Variants in DNAJC24 observed in about 807,000 individuals in gnomAD.
DNAJC24 encodes DnaJ heat shock protein family (Hsp40) member C24.
Under a neutral mutation model 18.0 loss-of-function variants are expected in DNAJC24, and 17 were observed. That is an observed-to-expected ratio of 0.94 (90% CI 0.65 to 1.42). The LOEUF (loss-of-function observed/expected upper bound fraction) is 1.42, where lower values mean the gene tolerates loss of function less well. Among genes scored for constraint, DNAJC24 ranks in the 40% most tolerant of loss-of-function variants. The pLI is 0.00. For missense variants in DNAJC24, 158 were observed against 175.6 expected (o/e 0.90, Z 0.57); for synonymous variants, 55 against 57.7 (o/e 0.95, Z 0.21).
At chr11:31,409,761 C>G (rs1952689336) in intron 2 of DNAJC24, among the ~76,000 whole-genome samples, 1 of 152,044 alleles carries the variant, frequency 6.6e-6, no homozygotes, top group African/African-American at 2.4e-5. Flanking sequence ...TTTTATTGAT[C>G]ATGGAGTAAA....
chr11:31,420,057 C>G (rs545882566), intron 3 of DNAJC24, among the ~76,000 whole-genome samples: 1 of 152,084 alleles, frequency 6.6e-6, no homozygotes, highest in East Asian at 1.9e-4. Flanking sequence ...ACATTTATAA[C>G]TCTATACCCT....
intron 2 of DNAJC24, among the ~76,000 whole-genome samples, chr11:31,414,453 T>G (rs758094585): frequency 6.6e-6 from 1 of 152,192 alleles, no homozygotes; most frequent in African/African-American, 2.4e-5. Context: ...CTCTGCCTAA[T>G]TTGTGCTCTT....
intron 2 of DNAJC24, among the ~76,000 whole-genome samples, chr11:31,371,877 G>T (rs61879923): frequency 0.29 from 40,782 of 139,744 alleles, 6,589 homozygotes; most frequent in Non-Finnish European, 0.36. Flanking sequence ...AGGCTAGGGT[G>T]CAATGGTGCG....
At chr11:31,372,070 G>A (rs658477) in intron 2 of DNAJC24, among the ~76,000 whole-genome samples, 59,565 of 151,274 alleles carry the variant, frequency 0.39, 12,226 homozygotes, top group African/African-American at 0.49. Flanking sequence ...TGATCCTCCC[G>A]CCTCAGCCTC....
At chr11:31,378,334 C>T (rs542286698) in intron 2 of DNAJC24, among the ~76,000 whole-genome samples, 50 of 151,728 alleles carry the variant, frequency 3.3e-4, no homozygotes, top group African/African-American at 1.1e-3. Flanking sequence ...ATGCATGATA[C>T]GTAACAATAA....
At chr11:31,424,185 ATAGAT>A (rs761013105) in intron 3 of DNAJC24, among the ~76,000 whole-genome samples, 12 of 152,192 alleles carry the variant, frequency 7.9e-5, no homozygotes, top group Non-Finnish European at 1.5e-4. Flanking sequence ...GGTGTTCAAG[ATAGAT>A]TAGATTAAGA....
intron 3 of DNAJC24, chr11:31,415,530 G>A (rs1336005310): frequency 1.3e-5 from 2 of 152,194 alleles, no homozygotes; most frequent in Non-Finnish European, 2.9e-5. Flanking sequence ...GTGACAAGCT[G>A]TTATGAGAAA....
intron 2 of DNAJC24, among the ~76,000 whole-genome samples, chr11:31,399,396 GATCT>G (rs1377449818): frequency 2.0e-5 from 3 of 151,024 alleles, no homozygotes; most frequent in African/African-American, 7.3e-5. Context: ...TGTTTCTGCA[GATCT>G]ATCTCTTAAT....
intron 2 of DNAJC24, among the ~76,000 whole-genome samples, chr11:31,406,155 C>T (rs1480964217): frequency 6.6e-6 from 1 of 152,010 alleles, no homozygotes; most frequent in African/African-American, 2.4e-5. Flanking sequence ...TTTGTTTCCT[C>T]TATATCTCAT....
At chr11:31,409,059 GTAA>G (rs1952680875) in intron 2 of DNAJC24, among the ~76,000 whole-genome samples, 1 of 152,160 alleles carries the variant, frequency 6.6e-6, no homozygotes, top group South Asian at 2.1e-4. Flanking sequence ...GTGCTTGAAA[GTAA>G]TAAAACAATT....
intron 2 of DNAJC24, among the ~76,000 whole-genome samples, chr11:31,407,857 A>T (rs1160786995): frequency 6.6e-6 from 1 of 151,354 alleles, no homozygotes; most frequent in Non-Finnish European, 1.5e-5. Context: ...ATCAGTGGGT[A>T]TCATCATTAG....
chr11:31,414,761 C>T (rs1337091155), intron 2 of DNAJC24, 50 bp from the exon 3 acceptor site: 2 of 1,541,144 alleles, frequency 1.3e-6, no homozygotes, highest in East Asian at 2.4e-5. Flanking sequence ...AAATCTAACC[C>T]CACTCAGCTC....
At chr11:31,420,306 C>T (rs550615282) in intron 3 of DNAJC24, among the ~76,000 whole-genome samples, 4 of 152,124 alleles carry the variant, frequency 2.6e-5, no homozygotes, top group Admixed American at 1.3e-4. Context: ...TTCCATCTCC[C>T]CTACTCCCAA....
At chr11:31,379,395 A>G (rs1395998878) in intron 2 of DNAJC24, among the ~76,000 whole-genome samples, 3 of 151,704 alleles carry the variant, frequency 2.0e-5, no homozygotes, top group Admixed American at 2.0e-4. Context: ...CTGAAACCAT[A>G]CTCCCTACAC....
chr11:31,383,234 C>G (rs968966843), intron 2 of DNAJC24, among the ~76,000 whole-genome samples: 1 of 152,022 alleles, frequency 6.6e-6, no homozygotes, highest in Non-Finnish European at 1.5e-5. Context: ...ATCAACCCCT[C>G]TCCACTTCCT....
intron 2 of DNAJC24, among the ~76,000 whole-genome samples, chr11:31,388,949 A>C (rs1469800517): frequency 6.6e-6 from 1 of 152,210 alleles, no homozygotes; most frequent in African/African-American, 2.4e-5. Context: ...AGTTTAAAAT[A>C]ATAGGTTGTA....
intron 2 of DNAJC24, among the ~76,000 whole-genome samples, chr11:31,406,581 C>T (rs1204059598): frequency 6.6e-6 from 1 of 152,118 alleles, no homozygotes; most frequent in Non-Finnish European, 1.5e-5. Context: ...TAGGACTTTA[C>T]TTTTAAGGAT....
chr11:31,402,447 A>G (rs985177532), intron 2 of DNAJC24, among the ~76,000 whole-genome samples: 1 of 152,228 alleles, frequency 6.6e-6, no homozygotes, highest in African/African-American at 2.4e-5. Flanking sequence ...CACTAGGTTT[A>G]TACAAAAATA....
intron 3 of DNAJC24, among the ~76,000 whole-genome samples, chr11:31,426,044 A>G (rs1032930546): frequency 8.5e-5 from 13 of 152,212 alleles, no homozygotes; most frequent in African/African-American, 3.1e-4. Flanking sequence ...TCCATGTTGC[A>G]TGATTGTGAA....
Sources: gnomAD v4.1 joint callset for allele counts (sites outside exome capture counted in the v4.1 genomes callset) on GRCh38, gnomAD v4.1.1 for gene constraint, MANE v1.5 for transcripts, NCBI Gene and HGNC (gene_info 2026-07-23, HGNC 2026-07-21) for gene names.